The following NPY1R variants were observed in gnomAD, a reference collection of about 807,000 sequenced individuals.
NPY1R encodes the protein neuropeptide Y receptor type 1.
A neutral mutation model predicts 24.1 loss-of-function variants in NPY1R; 10 were observed. The observed-to-expected ratio is 0.42, with a 90% CI of 0.26 to 0.71. NPY1R has a LOEUF of 0.71. Ranked by LOEUF, NPY1R falls within the 30% of genes least tolerant of loss-of-function variation. NPY1R has a pLI of 0.28. For missense variants in NPY1R, 350 were observed against 458.0 expected, an observed-to-expected ratio of 0.76 and a Z score of 2.15; for synonymous variants, 168 against 165.9, an observed-to-expected ratio of 1.01 and a Z score of -0.10.
chr4:163,335,009 T>C (rs1734805147), upstream of NPY1R, among the ~76,000 whole-genome samples: 1 of 152,094 alleles, frequency 6.6e-6, no homozygotes, highest in Admixed American at 6.6e-5. Context: ...TCTCCAATAA[T>C]GTAATCTTAT....
chr4:163,343,951 G>A (rs983455725), intron 1 of NPY1R: 5 of 152,332 alleles, frequency 3.3e-5, no homozygotes, highest in Non-Finnish European at 7.3e-5. Flanking sequence ...CGATCGCGCT[G>A]GGCCGCGCTC....
intron 1 of NPY1R, among the ~76,000 whole-genome samples, chr4:163,343,064 T>C (rs1261655878): frequency 6.7e-6 from 1 of 148,442 alleles, no homozygotes; most frequent in Non-Finnish European, 1.5e-5. Flanking sequence ...TAGCTAAAAA[T>C]AAAGCAAACC....
Position 163,326,650 on chromosome 4 carries a change from T to C in NPY1R, c.-96A>G. On this transcript the variant is annotated 5_prime_UTR_variant, in exon 2 of 3. Transcript: ENST00000296533. ...GTTCAGCTTATTCTTATTCCCCATA[T>C]TGGAATCCATTTACCAAAATTATTC... 2 of 726,458 alleles carry C rather than the reference T, an allele frequency of 2.8e-6. No homozygotes were observed. Among genetic ancestry groups the C allele is most frequent in the Non-Finnish European group, 2.3e-6 (1 of 441,316 alleles). 45.0% of individuals were successfully genotyped at this position (726,458 alleles called of 1,614,324 possible).
At chr4:163,344,011 C>A (rs904169165) in intron 1 of NPY1R, 2 of 152,650 alleles carry the variant, frequency 1.3e-5, no homozygotes, top group East Asian at 2.0e-4. Context: ...GTACGGGCTC[C>A]CGCCCCTCCC....
Position 163,326,249 on chromosome 4 carries a change from T to G in NPY1R, c.306A>C (p.Leu102Phe). The G allele has an allele frequency of 6.2e-7, 1 of 1,614,110 alleles. No homozygotes were observed. Among genetic ancestry groups the G allele is most frequent in the Non-Finnish European group, 8.5e-7 (1 of 1,179,972 alleles). Residue 102 changes from leucine to phenylalanine, a missense_variant, in exon 2 of 3, where the codon TTA (leucine) becomes TTC (phenylalanine). Leu to Phe is a conservative substitution (Grantham distance 22). Transcript: ENST00000296533. ...CCTCACCAAAGACCCAGTGGTCCAT[T>G]AATGTGTAGACAAATGTAAAGGGGA... ...MCLPFTFVYT[L>F]MDHWVFGEAM...
chr4:163,343,505 C>A (rs1434588277), intron 1 of NPY1R, among the ~76,000 whole-genome samples: 1 of 151,900 alleles, frequency 6.6e-6, no homozygotes, highest in Non-Finnish European at 1.5e-5. Context: ...CACCGTCCCC[C>A]ACCCCAAACA....
chr4:163,336,730 G>A (rs1197248411), upstream of NPY1R, among the ~76,000 whole-genome samples: 2 of 152,200 alleles, frequency 1.3e-5, no homozygotes, highest in African/African-American at 2.4e-5. Context: ...GGAGGTCAAG[G>A]CGGGTGGATC....
At chr4:163,340,961 T>G (rs115605053) in intron 1 of NPY1R, among the ~76,000 whole-genome samples, 1 of 152,122 alleles carries the variant, frequency 6.6e-6, no homozygotes, top group Non-Finnish European at 1.5e-5. Context: ...AGGAGCACAG[T>G]GTTTATCAGA....
chr4:163,333,372 G>A (rs1734776856), upstream of NPY1R, among the ~76,000 whole-genome samples: 1 of 151,944 alleles, frequency 6.6e-6, no homozygotes, highest in Admixed American at 6.6e-5. Context: ...AACCCATCAT[G>A]GTGCCCGATG....
chr4:163,331,882 T>A (rs544927336), intron 1 of NPY1R, among the ~76,000 whole-genome samples: 1 of 152,342 alleles, frequency 6.6e-6, no homozygotes, highest in South Asian at 2.1e-4. Flanking sequence ...GCGGCTCGAT[T>A]GCAGCCGAGA....
intron 1 of NPY1R, among the ~76,000 whole-genome samples, chr4:163,343,197 A>G (rs1359411601): frequency 6.7e-6 from 1 of 149,018 alleles, no homozygotes; most frequent in Non-Finnish European, 1.5e-5. Flanking sequence ...TTAACCTGTG[A>G]CAATTCGTTT....
At chr4:163,334,027 T>C (rs935618100), upstream of NPY1R, among the ~76,000 whole-genome samples, 18 of 151,648 alleles carry the variant, frequency 1.2e-4, no homozygotes, top group African/African-American at 4.4e-4. Flanking sequence ...CTTTTTTTTT[T>C]AACCAAGGCA....
chr4:163,336,068 A>T (rs934309675), upstream of NPY1R, among the ~76,000 whole-genome samples: 2 of 152,144 alleles, frequency 1.3e-5, no homozygotes, highest in Admixed American at 6.5e-5. Flanking sequence ...CAATTCAATG[A>T]TCTCCTTTGT....
chr4:163,342,809 C>A (rs1735024254), intron 1 of NPY1R, among the ~76,000 whole-genome samples: 2 of 152,108 alleles, frequency 1.3e-5, no homozygotes, highest in Admixed American at 6.5e-5. Context: ...TCGGTTTATC[C>A]CACACGACTC....
chr4:163,342,828 A>C (rs1456645338), intron 1 of NPY1R, among the ~76,000 whole-genome samples: 1 of 152,200 alleles, frequency 6.6e-6, no homozygotes, highest in African/African-American at 2.4e-5. Flanking sequence ...TCTACTCAGC[A>C]GGAGATGCTG....
chr4:163,328,484 TAA>T (rs1407761493), intron 1 of NPY1R, among the ~76,000 whole-genome samples: 14 of 152,368 alleles, frequency 9.2e-5, no homozygotes, highest in African/African-American at 2.9e-4. Flanking sequence ...CAATTAATTA[TAA>T]GTTTCCCTTC....
In NPY1R at chr4:163,325,975, C is replaced by T; in HGVS notation, c.580G>A (p.Asp194Asn). Residue 194 changes from aspartate (D) to asparagine (N), a missense_variant, in exon 2 of 3, where the codon GAC becomes AAC. Transcript: ENST00000296533. ...AATTGATCAAAGCACACGTATTTGT[C>T]TTTGTACGCATCAAGTGTTACATTT... ...FQNVTLDAYK[D>N]KYVCFDQFPS... is the part of the protein sequence containing the mutation. The T allele has an allele frequency of 6.2e-7, 1 of 1,614,078 alleles. No homozygotes were observed. Among genetic ancestry groups the T allele is most frequent in the Non-Finnish European group, 8.5e-7 (1 of 1,179,980 alleles).
intron 1 of NPY1R, among the ~76,000 whole-genome samples, chr4:163,341,696 C>A (rs534810490): frequency 6.6e-6 from 1 of 152,086 alleles, no homozygotes; most frequent in African/African-American, 2.4e-5. Flanking sequence ...TGCATAAAAT[C>A]CAACTTAATT....
Position 163,324,294 on chromosome 4 carries a change from A to G in NPY1R, c.*1009T>C, listed in dbSNP as rs895443216. ...AAAGTGAATATTCCTTTAACATTGT[A>G]CCTTGGTGTTACTTCCTTTGAAAGA... On this transcript the variant is annotated 3_prime_UTR_variant, in exon 3 of 3. Coordinates refer to ENST00000296533, the MANE Select transcript of NPY1R (RefSeq NM_000909.6). 1 of 152,628 alleles carries G rather than the reference A, an allele frequency of 6.6e-6. No individual in the cohort carries two copies. The highest frequency in any genetic ancestry group is 2.4e-5 in the African/African-American group (1 of 41,460). 9.5% of individuals were successfully genotyped at this position (152,628 alleles called of 1,614,324 possible).
Sources: gnomAD v4.1 joint callset for allele counts (sites outside exome capture counted in the v4.1 genomes callset) on GRCh38, gnomAD v4.1.1 for gene constraint, MANE v1.5 for transcripts, NCBI Gene and HGNC (gene_info 2026-07-23, HGNC 2026-07-21) for gene names.